The following OSBPL1A variants were observed in gnomAD, a reference collection of about 807,000 sequenced individuals.
OSBPL1A encodes oxysterol binding protein like 1A.
OSBPL1A carries 80 observed loss-of-function variants against 137.1 expected under a neutral mutation model. That is an observed-to-expected ratio of 0.58 (90% CI 0.49 to 0.70). The LOEUF (loss-of-function observed/expected upper bound fraction) is 0.70. Ranked by LOEUF, OSBPL1A falls within the 30% of genes least tolerant of loss-of-function variation. The pLI, the probability that OSBPL1A is intolerant of heterozygous loss-of-function variation, is 0.00. For synonymous variants in OSBPL1A, 365 were observed against 389.7 expected, an observed-to-expected ratio of 0.94 and a Z score of 0.75; for missense variants, 970 against 1,129.4, an observed-to-expected ratio of 0.86 and a Z score of 2.02.
chr18:24,372,268 CT>C (rs1320559053), intron 2 of OSBPL1A, among the ~76,000 whole-genome samples: 2 of 146,450 alleles, frequency 1.4e-5, no homozygotes, highest in African/African-American at 5.3e-5. Flanking sequence ...GAGCAAGACG[CT>C]GTCGCAAAAA....
chr18:24,284,538 G>T (rs777440072), intron 14 of OSBPL1A, among the ~76,000 whole-genome samples: 1 of 152,032 alleles, frequency 6.6e-6, no homozygotes, highest in Non-Finnish European at 1.5e-5. Flanking sequence ...TTTTTAATTG[G>T]GTAAGTTTTT....
chr18:24,184,365 A>G (rs1388788977), intron 18 of OSBPL1A, among the ~76,000 whole-genome samples: 5 of 151,654 alleles, frequency 3.3e-5, no homozygotes, highest in Admixed American at 2.0e-4. Flanking sequence ...TGCTTTCATT[A>G]AACACGTATT....
chr18:24,308,709 T>C (rs2090555718), intron 13 of OSBPL1A, among the ~76,000 whole-genome samples: 1 of 152,310 alleles, frequency 6.6e-6, no homozygotes, highest in South Asian at 2.1e-4. Flanking sequence ...TAGCCACATG[T>C]GGCTACTGAG....
intron 19 of OSBPL1A, among the ~76,000 whole-genome samples, chr18:24,180,162 C>G (rs1345894463): frequency 2.6e-5 from 4 of 152,196 alleles, no homozygotes; most frequent in African/African-American, 7.2e-5. Flanking sequence ...AAGTATGACA[C>G]TCCAGGATTG....
intron 4 of OSBPL1A, among the ~76,000 whole-genome samples, chr18:24,356,077 G>A (rs2091529779): frequency 6.6e-6 from 1 of 152,032 alleles, no homozygotes; most frequent in South Asian, 2.1e-4. Context: ...TTGGGAGGCT[G>A]AGCCAGGAGA....
At chr18:24,228,300 C>A (rs561153955) in intron 16 of OSBPL1A, among the ~76,000 whole-genome samples, 104 of 151,386 alleles carry the variant, frequency 6.9e-4, no homozygotes, top group African/African-American at 2.2e-3. Flanking sequence ...CCTCCCCTCA[C>A]CCCCCTCCTT....
intron 16 of OSBPL1A, among the ~76,000 whole-genome samples, chr18:24,228,026 C>G (rs2088144049): frequency 6.6e-6 from 1 of 152,058 alleles, no homozygotes; most frequent in Admixed American, 6.5e-5. Flanking sequence ...AAACACGGAA[C>G]AGTAAGAGCT....
chr18:24,299,511 CA>C (rs1165965765), intron 14 of OSBPL1A, among the ~76,000 whole-genome samples: 10 of 150,658 alleles, frequency 6.6e-5, no homozygotes, highest in Middle Eastern at 3.4e-3. Flanking sequence ...TTTCTGGATA[CA>C]AAAAAAAAGT....
chr18:24,274,217 G>A (rs1031156036), intron 15 of OSBPL1A, among the ~76,000 whole-genome samples: 7 of 134,578 alleles, frequency 5.2e-5, no homozygotes, highest in African/African-American at 1.8e-4. Flanking sequence ...CTGGGCAACA[G>A]AGCGAGACTC....
chr18:24,245,626 G>A (rs1301655601), intron 15 of OSBPL1A, among the ~76,000 whole-genome samples: 2 of 152,150 alleles, frequency 1.3e-5, no homozygotes, highest in African/African-American at 4.8e-5. Context: ...TGAAACCATG[G>A]CCAGGCTGAA....
intron 17 of OSBPL1A, among the ~76,000 whole-genome samples, chr18:24,212,334 G>A (rs1456313051): frequency 2.0e-5 from 3 of 151,912 alleles, no homozygotes; most frequent in Admixed American, 6.6e-5. Flanking sequence ...CTGGGATTAC[G>A]GGTGTGAGAC....
At chr18:24,175,119 T>TATATACGTATATATAC (rs2086405017) in intron 21 of OSBPL1A, among the ~76,000 whole-genome samples, 1 of 128,538 alleles carries the variant, frequency 7.8e-6, no homozygotes, top group African/African-American at 3.5e-5. Flanking sequence ...TATATATATA[T>TATATACGTATATATAC]ATATATATAT....
At chr18:24,221,256 T>G (rs2087880360) in intron 17 of OSBPL1A, among the ~76,000 whole-genome samples, 1 of 152,238 alleles carries the variant, frequency 6.6e-6, no homozygotes, top group South Asian at 2.1e-4. Flanking sequence ...GTGGGTGCAT[T>G]CCTTGTGTAA....
chr18:24,314,887 G>A (rs937204464), intron 11 of OSBPL1A, among the ~76,000 whole-genome samples: 1 of 152,146 alleles, frequency 6.6e-6, no homozygotes, highest in Non-Finnish European at 1.5e-5. Context: ...AGACCTTGGC[G>A]ATGACCTTGA....
intron 14 of OSBPL1A, among the ~76,000 whole-genome samples, chr18:24,299,592 C>G (rs1354480573): frequency 1.3e-5 from 2 of 152,166 alleles, no homozygotes; most frequent in African/African-American, 4.8e-5. Context: ...GGACCCCAAT[C>G]CCTTCCAGCT....
chr18:24,373,707 T>C (rs995878268), intron 2 of OSBPL1A, among the ~76,000 whole-genome samples: 2 of 152,170 alleles, frequency 1.3e-5, no homozygotes, highest in African/African-American at 4.8e-5. Flanking sequence ...TTTATACCAT[T>C]TTCCCAATTT....
intron 1 of OSBPL1A, among the ~76,000 whole-genome samples, chr18:24,388,692 C>T (rs1344828339): frequency 2.0e-5 from 3 of 149,738 alleles, no homozygotes; most frequent in Non-Finnish European, 4.4e-5. Context: ...CCCAGCTACT[C>T]AGGAAGCTGA....
At chr18:24,239,440 T>C in intron 15 of OSBPL1A, 58 bp from the exon 16 acceptor site, 2 of 1,460,124 alleles carry the variant, frequency 1.4e-6, no homozygotes, top group Non-Finnish European at 1.9e-6. Flanking sequence ...ACAGACGTAC[T>C]CAGAGGATGT....
At chr18:24,189,264 A>G (rs1476334195) in intron 18 of OSBPL1A, among the ~76,000 whole-genome samples, 4 of 152,240 alleles carry the variant, frequency 2.6e-5, no homozygotes, top group African/African-American at 7.2e-5. Context: ...AATTGAAAAT[A>G]TTGTATAAAT....
Sources: gnomAD v4.1 joint callset for allele counts (sites outside exome capture counted in the v4.1 genomes callset) on GRCh38, gnomAD v4.1.1 for gene constraint, MANE v1.5 for transcripts, NCBI Gene and HGNC (gene_info 2026-07-23, HGNC 2026-07-21) for gene names.